Variants in SLC39A8 observed in about 807,000 individuals in gnomAD.
The protein encoded by SLC39A8 is metal cation symporter ZIP8.
SLC39A8 carries 15 observed loss-of-function variants against 40.4 expected under a neutral mutation model. The observed-to-expected ratio is 0.37, with a 90% CI of 0.25 to 0.57. The LOEUF (loss-of-function observed/expected upper bound fraction) is 0.57. Among genes scored for constraint, SLC39A8 ranks in the 20% least tolerant of loss-of-function variants. The probability of loss-of-function intolerance (pLI) is 0.75; values close to 1 mark genes in which losing one functional copy is unlikely to be tolerated. For missense variants in SLC39A8, 472 were observed against 558.8 expected (o/e 0.84, Z 1.57); for synonymous variants, 223 against 221.6 (o/e 1.01, Z -0.06).
At chr4:102,296,468 G>A (rs1733680932) in intron 6 of SLC39A8, among the ~76,000 whole-genome samples, 1 of 152,002 alleles carries the variant, frequency 6.6e-6, no homozygotes, top group African/African-American at 2.4e-5. Flanking sequence ...GGAAGAGGGA[G>A]GGAGATGTAT....
chr4:102,320,471 AAT>A (rs1169838533), intron 2 of SLC39A8, among the ~76,000 whole-genome samples: 3 of 90,160 alleles, frequency 3.3e-5, no homozygotes, highest in East Asian at 2.5e-4. Context: ...TACATATGAG[AAT>A]ATATATATGA....
At chr4:102,293,737 CTAGT>C (rs1280255649) in intron 6 of SLC39A8, among the ~76,000 whole-genome samples, 2 of 151,752 alleles carry the variant, frequency 1.3e-5, no homozygotes, top group African/African-American at 2.4e-5. Flanking sequence ...AAGCTGCAGC[CTAGT>C]TAATCTCTAA....
chr4:102,307,652 A>G, intron 3 of SLC39A8, 47 bp from the exon 4 acceptor site: 1 of 1,567,218 alleles, frequency 6.4e-7, no homozygotes, highest in Non-Finnish European at 8.7e-7. Flanking sequence ...AGAGCAAGGA[A>G]CCAAATGATG....
rs530374737 is a variant in SLC39A8, at chr4:102,323,104, G to A, written c.220-7274C>T. On this transcript the variant is annotated intron_variant, in intron 2 of 8. Coordinates refer to ENST00000356736, the MANE Select transcript of SLC39A8 (RefSeq NM_001135146.2). Reference sequence around the variant, plus strand: ...CCTTCCCCCACCCCAAGTAAGTGGCGATCTCCTGTTCTTTAAAGAGATGCA... The same window carrying A: ...CCTTCCCCCACCCCAAGTAAGTGGCAATCTCCTGTTCTTTAAAGAGATGCA... 9.2e-5 allele frequency among the ~76,000 whole-genome samples: 14 copies of A among 152,246 alleles called. No individual in the cohort carries two copies. In the South Asian group the frequency reaches 1.2e-3, roughly 14 times the overall value.
At chr4:102,299,232 C>G (rs1034300937) in intron 6 of SLC39A8, among the ~76,000 whole-genome samples, 1 of 151,684 alleles carries the variant, frequency 6.6e-6, no homozygotes, top group Admixed American at 6.6e-5. Flanking sequence ...ACCCAAAAGA[C>G]TGGTAGACAA....
intron 11 of SLC39A8, among the ~76,000 whole-genome samples, chr4:102,254,589 T>C (rs1731668715): frequency 6.6e-6 from 1 of 152,252 alleles, no homozygotes; most frequent in South Asian, 2.1e-4. Context: ...GCCAGATGTC[T>C]GTAAAAATCA....
At chr4:102,310,104 C>T (rs543721584) in intron 3 of SLC39A8, among the ~76,000 whole-genome samples, 45 of 152,142 alleles carry the variant, frequency 3.0e-4, no homozygotes, top group Admixed American at 5.2e-4. Context: ...GTTATTTACC[C>T]CCTTCTCAAC....
chr4:102,267,441 C>T (rs1221868677), intron 8 of SLC39A8, 49 bp downstream of exon 8: 2 of 1,507,598 alleles, frequency 1.3e-6, no homozygotes, highest in Non-Finnish European at 1.8e-6. Flanking sequence ...TCCAGATACT[C>T]ATTTCCAAAT....
intron 3 of SLC39A8, among the ~76,000 whole-genome samples, chr4:102,312,050 C>A (rs6822371): frequency 0.34 from 52,317 of 151,734 alleles, 9,148 homozygotes; most frequent in African/African-American, 0.37. Context: ...TAGGCACTTA[C>A]GTATATTAAC....
rs1206836326 is a variant in SLC39A8, at chr4:102,344,843, T to A, written c.-181A>T. 1 of 1,316,738 alleles carries A rather than the reference T, an allele frequency of 7.6e-7. No homozygotes were observed. Among genetic ancestry groups the A allele is most frequent in the East Asian group, 3.2e-5 (1 of 31,652 alleles). 81.6% of individuals were successfully genotyped at this position (1,316,738 alleles called of 1,614,324 possible). A position where few individuals can be genotyped will look rare whatever the true frequency, so the allele number is the denominator to read the frequency against. ...TTCGAAAGAACAGCAGCTCGCGACCTGCGGGGCATTGAAGTGGCAGCGTAG... is the reference window on the plus strand; with the variant it reads ...TTCGAAAGAACAGCAGCTCGCGACCAGCGGGGCATTGAAGTGGCAGCGTAG... On this transcript the variant is annotated 5_prime_UTR_variant, in exon 2 of 9. Coordinates refer to ENST00000356736, the MANE Select transcript of SLC39A8 (RefSeq NM_001135146.2).
At chr4:102,317,201 T>C (rs1482951229) in intron 2 of SLC39A8, among the ~76,000 whole-genome samples, 1 of 152,130 alleles carries the variant, frequency 6.6e-6, no homozygotes. Context: ...AACAATGAAA[T>C]TTAAAATGTC....
At chr4:102,254,794 A>G (rs1731671808) in intron 11 of SLC39A8, among the ~76,000 whole-genome samples, 1 of 152,194 alleles carries the variant, frequency 6.6e-6, no homozygotes, top group Non-Finnish European at 1.5e-5. Context: ...GCTCTTAAAA[A>G]TCATATGGTT....
At position 102,262,173 on chromosome 4, in the gene SLC39A8, T is replaced by C; in HGVS notation, c.*871A>G. On this transcript the variant is annotated 3_prime_UTR_variant, in exon 9 of 9. Coordinates refer to ENST00000356736, the MANE Select transcript of SLC39A8 (RefSeq NM_001135146.2). The stretch of plus-strand genomic sequence containing the variant: ...CTCTGCTAAATAGTTATGTTTGTCT[T>C]TAAAAGTAAATTGCATAAAATTACA... 1.0e-6 allele frequency: 1 copy of C among 985,944 alleles called. No homozygotes were observed. Among genetic ancestry groups the C allele is most frequent in the Non-Finnish European group, 1.2e-6 (1 of 829,880 alleles). 61.1% of individuals were successfully genotyped at this position (985,944 alleles called of 1,614,324 possible). A position where few individuals can be genotyped will look rare whatever the true frequency, so the allele number is the denominator to read the frequency against.
chr4:102,279,038 C>T (rs1578569043), intron 6 of SLC39A8, among the ~76,000 whole-genome samples: 1 of 152,052 alleles, frequency 6.6e-6, no homozygotes, highest in East Asian at 1.9e-4. Flanking sequence ...GGAGAAATAA[C>T]TAATGTAGAT....
intron 6 of SLC39A8, among the ~76,000 whole-genome samples, chr4:102,280,078 T>C (rs1397879869): frequency 6.6e-6 from 1 of 152,156 alleles, no homozygotes; most frequent in East Asian, 1.9e-4. Flanking sequence ...GGGATATTTA[T>C]TCCCTTGGCT....
Position 102,344,760 on chromosome 4 carries a change from G to A in SLC39A8, c.-98C>T. ...TCCTTGCCCAAGGGCGGGAGCGTCA[G>A]TGCTCGGCGCTGCTCCGAGTCAGAG... is the stretch of plus-strand genomic sequence containing the variant. On this transcript the variant is annotated 5_prime_UTR_variant, in exon 2 of 9. Transcript: ENST00000356736. 1 of 1,354,078 alleles carries A rather than the reference G, an allele frequency of 7.4e-7. No individual in the cohort carries two copies. Among genetic ancestry groups the A allele is most frequent in the Non-Finnish European group, 9.4e-7 (1 of 1,060,234 alleles). 83.9% of individuals were successfully genotyped at this position (1,354,078 alleles called of 1,614,324 possible).
Position 102,262,177 on chromosome 4 carries a change from A to C in SLC39A8, c.*867T>G, listed in dbSNP as rs1240529255. ...GCTAAATAGTTATGTTTGTCTTTAA[A>C]AGTAAATTGCATAAAATTACATCCA... On this transcript the variant is annotated 3_prime_UTR_variant, in exon 9 of 9. Transcript: ENST00000356736. 1.0e-6 allele frequency: 1 copy of C among 985,828 alleles called. No homozygotes were observed. The highest frequency in any genetic ancestry group is 1.1e-4 in the East Asian group (1 of 8,968). The allele number at this position is 985,828 out of a possible 1,614,324, so 61.1% of individuals were successfully genotyped here. A position where few individuals can be genotyped will look rare whatever the true frequency, so the allele number is the denominator to read the frequency against.
chr4:102,298,676 T>C (rs900177390), intron 6 of SLC39A8, among the ~76,000 whole-genome samples: 3 of 151,992 alleles, frequency 2.0e-5, no homozygotes, highest in African/African-American at 7.2e-5. Flanking sequence ...GCTATGTCCT[T>C]ATAAAGGAAT....
At chr4:102,336,356 C>T (rs1735674447) in intron 2 of SLC39A8, among the ~76,000 whole-genome samples, 4 of 152,270 alleles carry the variant, frequency 2.6e-5, no homozygotes, top group African/African-American at 7.2e-5. Flanking sequence ...AGAATTTCAG[C>T]GCAAGCTTGC....
Sources: allele counts gnomAD v4.1 joint callset (sites outside exome capture counted in the v4.1 genomes callset), GRCh38; gene constraint gnomAD v4.1.1; transcripts MANE v1.5; gene names NCBI Gene and HGNC (gene_info 2026-07-23, HGNC 2026-07-21).